IMMP2L: variants seen among roughly 807,000 people sequenced by gnomAD.
The protein encoded by IMMP2L is inner mitochondrial membrane peptidase subunit 2.
Under a neutral mutation model 19.3 loss-of-function variants are expected in IMMP2L, and 18 were observed. That is an observed-to-expected ratio of 0.93 (90% CI 0.64 to 1.38). IMMP2L has a LOEUF of 1.38. Ranked by LOEUF, IMMP2L falls within the 40% of genes most tolerant of loss-of-function variation. The pLI is 0.00. For missense variants in IMMP2L, 233 were observed against 218.2 expected (o/e 1.07, Z -0.43); for synonymous variants, 76 against 73.0 (o/e 1.04, Z -0.21).
At chr7:111,150,940 A>G (rs925766413) in intron 3 of IMMP2L, among the ~76,000 whole-genome samples, 39 of 152,322 alleles carry the variant, frequency 2.6e-4, no homozygotes, top group African/African-American at 8.9e-4. Flanking sequence ...GATTACAAGC[A>G]CTGGTGGCTT....
At chr7:111,379,625 T>A (rs1009342750) in intron 3 of IMMP2L, among the ~76,000 whole-genome samples, 1 of 151,714 alleles carries the variant, frequency 6.6e-6, no homozygotes, top group Non-Finnish European at 1.5e-5. Flanking sequence ...TTTTCTCAAA[T>A]AATAATATAT....
At chr7:111,279,381 G>C (rs182170424) in intron 3 of IMMP2L, among the ~76,000 whole-genome samples, 134 of 152,160 alleles carry the variant, frequency 8.8e-4, no homozygotes, top group African/African-American at 3.2e-3. Context: ...TTAGGATCTT[G>C]AGATAAGAGT....
At chr7:111,465,555 C>G (rs1426235374) in intron 3 of IMMP2L, among the ~76,000 whole-genome samples, 1 of 148,860 alleles carries the variant, frequency 6.7e-6, no homozygotes, top group Non-Finnish European at 1.5e-5. Context: ...ATTTATGCAG[C>G]CAAAAGACAC....
intron 2 of IMMP2L, among the ~76,000 whole-genome samples, chr7:111,507,557 TGTCCAGCG>T (rs1845044685): frequency 6.6e-6 from 1 of 152,166 alleles, no homozygotes; most frequent in Non-Finnish European, 1.5e-5. Flanking sequence ...GTTTGCCATT[TGTCCAGCG>T]TCTGCCAACA....
chr7:111,522,350 C>A (rs1846415009), intron 1 of IMMP2L, among the ~76,000 whole-genome samples: 1 of 151,952 alleles, frequency 6.6e-6, no homozygotes, highest in Admixed American at 6.6e-5. Flanking sequence ...GTGCAGCAAA[C>A]AATCAACGTA....
In IMMP2L at chr7:111,083,827, T is replaced by A. The variant is rs528925182; in HGVS notation, c.240-120262A>T. On this transcript the variant is annotated intron_variant, in intron 3 of 5. Transcript: ENST00000405709. ...TTTCAGCATACATAATTTCTGCATGTGTACAGCTATGCATATTTTAAAATC... is the reference window on the plus strand; with the variant it reads ...TTTCAGCATACATAATTTCTGCATGAGTACAGCTATGCATATTTTAAAATC... 4.6e-5 allele frequency among the ~76,000 whole-genome samples: 7 copies of A among 152,374 alleles called. No individual in the cohort carries two copies. The South Asian group carries it at 1.4e-3, about 32-fold the overall frequency.
intron 3 of IMMP2L, among the ~76,000 whole-genome samples, chr7:111,276,640 C>CAAA (rs1562997852): frequency 9.4e-6 from 1 of 105,904 alleles, no homozygotes; most frequent in African/African-American, 3.7e-5. Context: ...CATGTGGAAC[C>CAAA]GAAAAAAAAA....
chr7:110,967,351 T>G (rs1482661050), intron 3 of IMMP2L, among the ~76,000 whole-genome samples: 1 of 152,062 alleles, frequency 6.6e-6, no homozygotes, highest in African/African-American at 2.4e-5. Context: ...TCTAGTATTG[T>G]GGGGATGGAG....
chr7:111,313,848 C>A (rs1432719728), intron 3 of IMMP2L, among the ~76,000 whole-genome samples: 1 of 152,064 alleles, frequency 6.6e-6, no homozygotes, highest in African/African-American at 2.4e-5. Flanking sequence ...ACTGCAATCC[C>A]CAGCACTGGA....
In IMMP2L at chr7:110,728,884, A is replaced by G. The variant is rs1796069888; in HGVS notation, c.409-65163T>C. Among the ~76,000 whole-genome samples the G allele has an allele frequency of 6.6e-6, 1 of 152,138 alleles. No homozygotes were observed. Among genetic ancestry groups the G allele is most frequent in the East Asian group, 1.9e-4 (1 of 5,184 alleles). On this transcript the variant is annotated intron_variant, in intron 5 of 5. Transcript: ENST00000405709. This position sits in a 1 kb window ranked among gnomAD's most constrained non-coding sequence, Gnocchi z 4.6. ...ACAAATAGTATATGGTAGAAGTGGG[A>G]TAAACAGTTGTATTAGTCTGTTTTG...
chr7:111,383,506 C>G (rs1399489448), intron 3 of IMMP2L, among the ~76,000 whole-genome samples: 1 of 152,094 alleles, frequency 6.6e-6, no homozygotes, highest in Admixed American at 6.6e-5. Context: ...ACCAGAAAAC[C>G]GAGCTACGCC....
At chr7:110,981,630 T>C (rs1821310947) in intron 3 of IMMP2L, among the ~76,000 whole-genome samples, 2 of 152,142 alleles carry the variant, frequency 1.3e-5, no homozygotes, top group African/African-American at 4.8e-5. Context: ...CTTTTTAAGA[T>C]TTTGAAATAT....
intron 5 of IMMP2L, among the ~76,000 whole-genome samples, chr7:110,744,268 C>G (rs556373835): frequency 3.9e-5 from 6 of 152,296 alleles, no homozygotes; most frequent in African/African-American, 1.4e-4. Context: ...TAGATATAAC[C>G]CCCACCTCCC....
chr7:111,503,963 C>A (rs987809107), intron 2 of IMMP2L, among the ~76,000 whole-genome samples: 6 of 152,004 alleles, frequency 3.9e-5, no homozygotes, highest in South Asian at 4.2e-4. Context: ...GTTGGAAATT[C>A]TGGCCAGTGC....
At chr7:110,669,104 T>TAGAGAGAG (rs769817541) in intron 5 of IMMP2L, among the ~76,000 whole-genome samples, 18 of 143,726 alleles carry the variant, frequency 1.3e-4, no homozygotes, top group African/African-American at 4.3e-4. Flanking sequence ...TGTATATATA[T>TAGAGAGAG]ATATAGAGAG....
chr7:111,372,126 C>T (rs996571041), intron 3 of IMMP2L, among the ~76,000 whole-genome samples: 3 of 151,906 alleles, frequency 2.0e-5, no homozygotes, highest in Admixed American at 1.3e-4. Context: ...AAATTGCAAG[C>T]AATGACCAAA....
At chr7:111,256,530 T>C (rs1374759209) in intron 3 of IMMP2L, among the ~76,000 whole-genome samples, 1 of 152,090 alleles carries the variant, frequency 6.6e-6, no homozygotes, top group East Asian at 1.9e-4. Context: ...CACAGTAAAC[T>C]GTACTCCACA....
At chr7:111,543,156 A>G (rs1211987095) in intron 1 of IMMP2L, among the ~76,000 whole-genome samples, 7 of 152,202 alleles carry the variant, frequency 4.6e-5, no homozygotes, top group African/African-American at 1.7e-4. Context: ...CATAATCTTT[A>G]TGTGTAATAC....
intron 1 of IMMP2L, among the ~76,000 whole-genome samples, chr7:111,547,125 A>G (rs1017082447): frequency 6.6e-6 from 1 of 152,232 alleles, no homozygotes; most frequent in East Asian, 1.9e-4. Context: ...AGAATTTTAC[A>G]AAGACCACTG....
Sources: gnomAD v4.1 joint callset for allele counts (sites outside exome capture counted in the v4.1 genomes callset) on GRCh38, gnomAD v4.1.1 for gene constraint, Gnocchi (gnomAD v3.1) non-coding constraint, MANE v1.5 for transcripts, NCBI Gene and HGNC (gene_info 2026-07-23, HGNC 2026-07-21) for gene names.